Variants in EREG observed in about 807,000 individuals in gnomAD.
EREG encodes the protein epiregulin.
A neutral mutation model predicts 22.4 loss-of-function variants in EREG; 23 were observed. That is an observed-to-expected ratio of 1.03 (90% CI 0.74 to 1.46). The LOEUF (loss-of-function observed/expected upper bound fraction) is 1.46, where lower values mean the gene tolerates loss of function less well. Among genes scored for constraint, EREG ranks in the 40% most tolerant of loss-of-function variants. EREG has a pLI of 0.00. For missense variants in EREG, 226 were observed against 205.9 expected, an observed-to-expected ratio of 1.10 and a Z score of -0.60; for synonymous variants, 100 against 75.4, an observed-to-expected ratio of 1.33 and a Z score of -1.69.
At chr4:74,366,952 A>G (rs1356890649) in intron 1 of EREG, among the ~76,000 whole-genome samples, 2 of 152,212 alleles carry the variant, frequency 1.3e-5, no homozygotes, top group Admixed American at 6.5e-5. Context: ...TCTAAACTCT[A>G]TTCAGTTATG....
At chr4:74,373,354 G>A (rs1349656597) in intron 1 of EREG, among the ~76,000 whole-genome samples, 1 of 151,660 alleles carries the variant, frequency 6.6e-6, no homozygotes, top group Non-Finnish European at 1.5e-5. Flanking sequence ...GAAACACATG[G>A]CATATTAATA....
Position 74,388,731 on chromosome 4 carries a change from G to T in EREG, c.*3923G>T, listed in dbSNP as rs1752617584. On this transcript the variant is annotated 3_prime_UTR_variant, in exon 5 of 5. Transcript: ENST00000244869. ...AAATTGAAATAAATAAAAATGCATT[G>T]AACATCTTGCATTCAAAATCTTCAC... 6.6e-6 allele frequency: 1 copy of T among 152,052 alleles called. No homozygotes were observed. Among genetic ancestry groups the T allele is most frequent in the Admixed American group, 6.6e-5 (1 of 15,262 alleles). The allele number at this position is 152,052 out of a possible 1,614,324, so 9.4% of individuals were successfully genotyped here.
intron 2 of EREG, among the ~76,000 whole-genome samples, chr4:74,380,053 A>C (rs1752448409): frequency 6.6e-6 from 1 of 152,226 alleles, no homozygotes; most frequent in African/African-American, 2.4e-5. Flanking sequence ...AAAGATAAGT[A>C]ATACAGTTTT....
intron 1 of EREG, among the ~76,000 whole-genome samples, chr4:74,374,714 C>T (rs1307693664): frequency 2.6e-5 from 4 of 152,110 alleles, no homozygotes; most frequent in Non-Finnish European, 4.4e-5. Context: ...CTCTCCCACG[C>T]GCGGTCCCCA....
intron 1 of EREG, among the ~76,000 whole-genome samples, chr4:74,366,294 G>A (rs1260268679): frequency 6.6e-6 from 1 of 152,080 alleles, no homozygotes; most frequent in African/African-American, 2.4e-5. Flanking sequence ...TATTCTCCCT[G>A]GAGTTGGAAT....
At chr4:74,384,667 C>T (rs1289197879) in intron 4 of EREG, 60 bp from the exon 5 acceptor site, 1 of 939,318 alleles carries the variant, frequency 1.1e-6, no homozygotes. Context: ...CCATATATAA[C>T]ACACTTGTTC....
intron 4 of EREG, among the ~76,000 whole-genome samples, chr4:74,383,508 G>T (rs544723874): frequency 6.6e-6 from 1 of 152,176 alleles, no homozygotes; most frequent in Non-Finnish European, 1.5e-5. Context: ...GTCACAAGCT[G>T]AAAACAGAAA....
In EREG at chr4:74,365,345, G is replaced by T; in HGVS notation, c.37G>T (p.Gly13Cys). ...AGRRMEMLCA[G>C]RVPALLLCLG... Reference sequence around the variant, plus strand: ...GAGGAGGATGGAGATGCTCTGTGCCGGCAGGGTCCCTGCGCTGCTGCTCTG... The same window carrying T: ...GAGGAGGATGGAGATGCTCTGTGCCTGCAGGGTCCCTGCGCTGCTGCTCTG... Residue 13 changes from glycine to cysteine, a missense_variant, in exon 1 of 5, where the codon GGC (glycine) becomes TGC (cysteine). Physicochemically the swap from Gly to Cys is radical, Grantham distance 159 (BLOSUM62 -3). Transcript: ENST00000244869. The T allele has an allele frequency of 6.2e-7, 1 of 1,609,916 alleles. No homozygotes were observed.
At chr4:74,380,271 T>TC (rs1752452216) in intron 2 of EREG, among the ~76,000 whole-genome samples, 1 of 151,020 alleles carries the variant, frequency 6.6e-6, no homozygotes, top group Admixed American at 6.6e-5. Flanking sequence ...CGCATCATCT[T>TC]TTTTTTTTTC....
At chr4:74,371,466 T>A (rs550016908) in intron 1 of EREG, among the ~76,000 whole-genome samples, 1 of 152,196 alleles carries the variant, frequency 6.6e-6, no homozygotes. Flanking sequence ...TTTACAACTC[T>A]ACTCTCTTAG....
At chr4:74,381,188 AT>A in intron 3 of EREG, 51 bp downstream of exon 3, 1 of 1,542,804 alleles carries the variant, frequency 6.5e-7, no homozygotes, top group Non-Finnish European at 8.9e-7. Context: ...TGTTTTATAG[AT>A]TTAGGGGTAC....
In EREG at chr4:74,365,305, G is replaced by T; in HGVS notation, c.-4G>T. 6.2e-7 allele frequency: 1 copy of T among 1,603,286 alleles called. No homozygotes were observed. ...CCAAGCCCCAGCGCCCGCTCCCATCGCCGATGACCGCGGGGAGGAGGATGG... is the reference window on the plus strand; with the variant it reads ...CCAAGCCCCAGCGCCCGCTCCCATCTCCGATGACCGCGGGGAGGAGGATGG... On this transcript the variant is annotated 5_prime_UTR_variant, in exon 1 of 5. Transcript: ENST00000244869.
At chr4:74,376,879 T>C (rs1169211240) in intron 1 of EREG, among the ~76,000 whole-genome samples, 3 of 152,210 alleles carry the variant, frequency 2.0e-5, no homozygotes, top group Non-Finnish European at 1.5e-5. Flanking sequence ...GTGTGAAATT[T>C]GATATATGAA....
In EREG at chr4:74,382,653, T is replaced by G; in HGVS notation, c.287T>G (p.Val96Gly). ...TCCGTATTTTCCTTCAGGTGTGAAG[T>G]GGGTTATACTGGTGTCCGATGTGAA... is the stretch of plus-strand genomic sequence containing the variant. ...DMSQNYCRCE[V>G]GYTGVRCEHF... Residue 96 changes from valine (V) to glycine (G), a missense_variant, in exon 4 of 5, where the codon GTG becomes GGG. Physicochemically the swap from Val to Gly is moderately radical, Grantham distance 109. Transcript: ENST00000244869. 6.3e-7 allele frequency: 1 copy of G among 1,585,610 alleles called. No homozygotes were observed. Among genetic ancestry groups the G allele is most frequent in the Non-Finnish European group, 8.6e-7 (1 of 1,169,132 alleles).
At chr4:74,375,215 G>C (rs1455849704) in intron 1 of EREG, among the ~76,000 whole-genome samples, 2 of 151,290 alleles carry the variant, frequency 1.3e-5, no homozygotes, top group East Asian at 3.9e-4. Context: ...ACAACACTAA[G>C]GTCATGAAAA....
chr4:74,368,756 G>A (rs779167850), intron 1 of EREG, among the ~76,000 whole-genome samples: 3 of 152,116 alleles, frequency 2.0e-5, no homozygotes, highest in Non-Finnish European at 4.4e-5. Context: ...TTGAGTGTAG[G>A]CCTGTACAAA....
chr4:74,384,043 G>A (rs1291153805), intron 4 of EREG, among the ~76,000 whole-genome samples: 1 of 151,954 alleles, frequency 6.6e-6, no homozygotes, highest in Non-Finnish European at 1.5e-5. Context: ...CCAAAATAGG[G>A]ACAAAATAAA....
At chr4:74,371,613 T>G (rs2110384240) in intron 1 of EREG, among the ~76,000 whole-genome samples, 1 of 152,370 alleles carries the variant, frequency 6.6e-6, no homozygotes, top group Admixed American at 6.5e-5. Flanking sequence ...AACATATAAA[T>G]GTCTTCCATT....
At chr4:74,375,306 CTTTTTTTTTTTTTT>C (rs71219383) in intron 1 of EREG, among the ~76,000 whole-genome samples, 9 of 61,052 alleles carry the variant, frequency 1.5e-4, no homozygotes, top group Middle Eastern at 0.015. Context: ...ACTAGCGATT[CTTTTTTTTTTTTTT>C]TTTTTTTTTT....
Sources: gnomAD v4.1 joint callset for allele counts (sites outside exome capture counted in the v4.1 genomes callset) on GRCh38, gnomAD v4.1.1 for gene constraint, MANE v1.5 for transcripts, NCBI Gene and HGNC (gene_info 2026-07-23, HGNC 2026-07-21) for gene names.